ADARB1: variants seen among roughly 807,000 people sequenced by gnomAD.
The protein encoded by ADARB1 is double-stranded RNA-specific editase 1.
Under a neutral mutation model 52.4 loss-of-function variants are expected in ADARB1, and 10 were observed. That is an observed-to-expected ratio of 0.19 (90% CI 0.12 to 0.32). The LOEUF is 0.32. Ranked by LOEUF, ADARB1 falls within the 10% of genes least tolerant of loss-of-function variation. ADARB1 has a pLI of 1.00. For synonymous variants in ADARB1, 349 were observed against 371.1 expected, an observed-to-expected ratio of 0.94 and a Z score of 0.68; for missense variants, 643 against 922.3, an observed-to-expected ratio of 0.70 and a Z score of 3.92.
intron 2 of ADARB1, among the ~76,000 whole-genome samples, chr21:45,150,704 G>T (rs909992108): frequency 1.3e-5 from 2 of 152,164 alleles, no homozygotes; most frequent in African/African-American, 4.8e-5. Flanking sequence ...TGTTTCCAGT[G>T]CTTTCATGAG....
At chr21:45,099,213 G>A (rs2086894115) in intron 1 of ADARB1, among the ~76,000 whole-genome samples, 1 of 152,206 alleles carries the variant, frequency 6.6e-6, no homozygotes, top group Admixed American at 6.5e-5. Flanking sequence ...GGAGGGGGTG[G>A]TGGTAGGGCT....
chr21:45,111,120 C>A (rs572982528), intron 1 of ADARB1, among the ~76,000 whole-genome samples: 1 of 152,308 alleles, frequency 6.6e-6, no homozygotes, highest in Admixed American at 6.5e-5. Flanking sequence ...GCCCGCCAGG[C>A]TGTGCCTTCC....
rs1474651269 is a variant in ADARB1, at chr21:45,208,716, G to A, written c.1747+3980G>A. Among the ~76,000 whole-genome samples the A allele has an allele frequency of 2.0e-5, 3 of 152,054 alleles. No individual in the cohort carries two copies. Among genetic ancestry groups the A allele is most frequent in the East Asian group, 1.9e-4 (1 of 5,194 alleles). ...TGTGTGTGTGCACGCTCACATGAGT[G>A]TATGAGAGAGAGAGTGTGTGTGTGT... On this transcript the variant is annotated intron_variant, in intron 9 of 10. Coordinates refer to ENST00000348831, the MANE Select transcript of ADARB1 (RefSeq NM_001112.4). This position sits in a 1 kb window ranked among gnomAD's most constrained non-coding sequence, Gnocchi z 5.6.
At chr21:45,170,546 T>G (rs1398917645) in intron 2 of ADARB1, among the ~76,000 whole-genome samples, 4 of 151,918 alleles carry the variant, frequency 2.6e-5, no homozygotes, top group African/African-American at 9.7e-5. Context: ...GATTGAAAGT[T>G]ATTAACATGA....
At chr21:45,196,824 T>C (rs2092435420) in intron 8 of ADARB1, among the ~76,000 whole-genome samples, 1 of 152,204 alleles carries the variant, frequency 6.6e-6, no homozygotes, top group South Asian at 2.1e-4. Context: ...CCAAACCAAA[T>C]GTTGACAGTG....
intron 1 of ADARB1, among the ~76,000 whole-genome samples, chr21:45,096,188 G>A (rs1382738163): frequency 5.3e-5 from 8 of 152,246 alleles, no homozygotes; most frequent in Non-Finnish European, 1.2e-4. Flanking sequence ...CTTTGGTGTG[G>A]GTGCGCCTAG....
intron 9 of ADARB1, among the ~76,000 whole-genome samples, chr21:45,215,179 C>G (rs2092837653): frequency 6.6e-6 from 1 of 152,162 alleles, no homozygotes; most frequent in African/African-American, 2.4e-5. Context: ...TCCTGAGTAG[C>G]TGGGACTACA....
rs374493086 is a variant in ADARB1, at chr21:45,177,384, C to G, written c.963+720C>G. 2.0e-5 allele frequency: 3 copies of G among 152,338 alleles called. No individual in the cohort carries two copies. The East Asian group carries it at 5.8e-4, about 29-fold the overall frequency. The allele number at this position is 152,338 out of a possible 1,614,324, so 9.4% of individuals were successfully genotyped here. ...GCCCAGGCTGGAGGTGGACAGCCAC[C>G]CTTCCATTTGACCTCCCCAGCGCAG... is the stretch of plus-strand genomic sequence containing the variant. On this transcript the variant is annotated intron_variant, in intron 4 of 10. Coordinates refer to ENST00000348831, the MANE Select transcript of ADARB1 (RefSeq NM_001112.4).
intron 1 of ADARB1, among the ~76,000 whole-genome samples, chr21:45,096,219 G>A (rs553480718): frequency 1.3e-5 from 2 of 152,372 alleles, no homozygotes; most frequent in Middle Eastern, 3.4e-3. Flanking sequence ...GAGGAGGACC[G>A]GCTGGGCTAA....
Position 45,204,472 on chromosome 21 carries a change from C to T in ADARB1, c.1566-83C>T. On this transcript the variant is annotated intron_variant, in intron 8 of 10. Transcript: ENST00000348831. This position sits in a 1 kb window ranked among gnomAD's most constrained non-coding sequence, Gnocchi z 4.4. ...GGATCCTGCGGAATTGCCAGTGCAT[C>T]CCTGTAACCACGCAGGCTTGGGCTG... The T allele has an allele frequency of 7.1e-7, 1 of 1,404,344 alleles. No individual in the cohort carries two copies. The highest frequency in any genetic ancestry group is 9.9e-7 in the Non-Finnish European group (1 of 1,015,002). 87.0% of individuals were successfully genotyped at this position (1,404,344 alleles called of 1,614,324 possible).
At position 45,225,063 on chromosome 21, in the gene ADARB1, G is replaced by A. The variant is rs1177367686; in HGVS notation, c.*2866G>A. 1.4e-5 allele frequency: 13 copies of A among 954,902 alleles called. No individual in the cohort carries two copies. Among genetic ancestry groups the A allele is most frequent in the African/African-American group, 2.0e-5 (1 of 49,146 alleles). 59.2% of individuals were successfully genotyped at this position (954,902 alleles called of 1,614,324 possible). On this transcript the variant is annotated 3_prime_UTR_variant, in exon 11 of 11. Transcript: ENST00000348831. ...CATTTTGACAAGTAGGGGAAGAGAGGGCTTCTGTTGTTTTGTTTTGTTTTG... is the reference window on the plus strand; with the variant it reads ...CATTTTGACAAGTAGGGGAAGAGAGAGCTTCTGTTGTTTTGTTTTGTTTTG...
In ADARB1 at chr21:45,220,715, G is replaced by A; in HGVS notation, c.1748-121G>A. On this transcript the variant is annotated intron_variant, in intron 9 of 10. Transcript: ENST00000348831. The surrounding 1 kb of genome is among the most constrained non-coding windows in gnomAD (Gnocchi z 6.3). ...CAAGTCTGCGTATATTCCTCGGCAG[G>A]CAGAATTCCCCCACCACGCACTTCT... 2 of 1,063,630 alleles carry A rather than the reference G, an allele frequency of 1.9e-6. No individual in the cohort carries two copies. Among genetic ancestry groups the A allele is most frequent in the Non-Finnish European group, 2.8e-6 (2 of 724,166 alleles). The allele number at this position is 1,063,630 out of a possible 1,614,324, so 65.9% of individuals were successfully genotyped here. A position where few individuals can be genotyped will look rare whatever the true frequency, so the allele number is the denominator to read the frequency against.
chr21:45,212,452 C>T (rs929547047), intron 9 of ADARB1, among the ~76,000 whole-genome samples: 2 of 152,158 alleles, frequency 1.3e-5, no homozygotes, highest in African/African-American at 2.4e-5. Context: ...ACTGGCAAAA[C>T]TGTGCCACAG....
intron 1 of ADARB1, among the ~76,000 whole-genome samples, chr21:45,092,820 A>T (rs927852228): frequency 7.2e-5 from 11 of 152,258 alleles, no homozygotes; most frequent in African/African-American, 1.9e-4. Context: ...ATAATAATTT[A>T]AAAAACTATT....
chr21:45,215,821 T>C (rs1295249659), intron 9 of ADARB1, among the ~76,000 whole-genome samples: 1 of 152,244 alleles, frequency 6.6e-6, no homozygotes, highest in Non-Finnish European at 1.5e-5. Flanking sequence ...TTTAGTTTAA[T>C]GTCTTTGTCA....
intron 1 of ADARB1, chr21:45,101,123 CG>C (rs1232782117): frequency 6.6e-6 from 1 of 152,450 alleles, no homozygotes; most frequent in African/African-American, 2.4e-5. Context: ...CGCGGTTACG[CG>C]GGGTCCTCTC....
At chr21:45,129,949 C>T (rs2088827695) in intron 2 of ADARB1, among the ~76,000 whole-genome samples, 1 of 152,074 alleles carries the variant, frequency 6.6e-6, no homozygotes, top group Non-Finnish European at 1.5e-5. Context: ...TCAACCGATG[C>T]TTTTTTTGGG....
intron 1 of ADARB1, among the ~76,000 whole-genome samples, chr21:45,106,331 T>A (rs2087257753): frequency 6.6e-6 from 1 of 152,236 alleles, no homozygotes. Context: ...GACTCGTGTA[T>A]TAAGTACAGA....
chr21:45,181,103 C>G (rs2091916022), intron 5 of ADARB1, among the ~76,000 whole-genome samples: 1 of 152,220 alleles, frequency 6.6e-6, no homozygotes, highest in South Asian at 2.1e-4. Context: ...GGGGCCGTCT[C>G]TGTACCCAGC....
Sources: allele counts gnomAD v4.1 joint callset (sites outside exome capture counted in the v4.1 genomes callset), GRCh38; gene constraint gnomAD v4.1.1; non-coding constraint Gnocchi (gnomAD v3.1); transcripts MANE v1.5; gene names NCBI Gene and HGNC (gene_info 2026-07-23, HGNC 2026-07-21).